PDE6A: variants seen among roughly 807,000 people sequenced by gnomAD.
PDE6A encodes the protein phosphodiesterase 6A, also known as rod cGMP-specific 3',5'-cyclic phosphodiesterase subunit alpha.
A neutral mutation model predicts 106.3 loss-of-function variants in PDE6A; 84 were observed. The observed-to-expected ratio is 0.79, with a 90% CI of 0.66 to 0.95. PDE6A has a LOEUF of 0.95. Ranked by LOEUF, PDE6A falls within the 40% of genes least tolerant of loss-of-function variation. PDE6A has a pLI of 0.00. For synonymous variants in PDE6A, 394 were observed against 386.6 expected, an observed-to-expected ratio of 1.02 and a Z score of -0.23; for missense variants, 1,052 against 1,084.9, an observed-to-expected ratio of 0.97 and a Z score of 0.43.
chr5:149,899,426 G>A lies in PDE6A; in HGVS notation c.1212C>T (p.Tyr404=). ...KEEIVGVATF[Y]NRKDGKPFDE... is the part of the protein sequence containing the mutation. ...CAAAGGGCTTCCCATCTTTACGATT[G>A]TAAAATGTGGCCACTCCAACAATTT... The change falls in exon 9 of 22, where the codon TAC becomes TAT. Residue 404 remains tyrosine (Y), a synonymous_variant. Transcript: ENST00000255266. 6.2e-7 allele frequency: 1 copy of A among 1,614,126 alleles called. No homozygotes were observed.
Position 149,919,084 on chromosome 5 carries a change from G to T in PDE6A, c.933+2551C>A, listed in dbSNP as rs75536991. On this transcript the variant is annotated intron_variant, in intron 5 of 21. Coordinates refer to ENST00000255266, the MANE Select transcript of PDE6A (RefSeq NM_000440.3). ...GTTCCAGGACCTTCTTGACATCTTT[G>T]TCTTGCCTTAGGGCCACCTGTCCTT... Among the ~76,000 whole-genome samples, 529 of 152,266 alleles carry T rather than the reference G, an allele frequency of 3.5e-3. 4 individuals carry two copies. The highest frequency in any genetic ancestry group is 0.012 in the African/African-American group (507 of 41,540).
At chr5:149,913,252 T>G (rs926107740) in intron 6 of PDE6A, among the ~76,000 whole-genome samples, 6 of 151,682 alleles carry the variant, frequency 4.0e-5, no homozygotes, top group African/African-American at 1.5e-4. Flanking sequence ...TGTGGTGGCG[T>G]GTGCCTGTAA....
intron 17 of PDE6A, 33 bp from the exon 18 acceptor site, chr5:149,868,191 G>A (rs915410340): frequency 4.4e-5 from 71 of 1,597,272 alleles, no homozygotes; most frequent in Non-Finnish European, 5.9e-5. Context: ...ATCAGTCCAG[G>A]GCCATTTAAG....
intron 21 of PDE6A, among the ~76,000 whole-genome samples, chr5:149,861,583 G>C (rs1760143651): frequency 6.6e-6 from 1 of 152,170 alleles, no homozygotes; most frequent in Admixed American, 6.5e-5. Flanking sequence ...CCGGGAATTT[G>C]AGGCTGCAGT....
At chr5:149,913,866 C>G (rs1321684218) in intron 6 of PDE6A, among the ~76,000 whole-genome samples, 2 of 152,152 alleles carry the variant, frequency 1.3e-5, no homozygotes, top group Non-Finnish European at 1.5e-5. Flanking sequence ...CAGTTTGCAA[C>G]CGTTCAAATC....
chr5:149,884,247 T>C (rs1761040621), intron 16 of PDE6A, among the ~76,000 whole-genome samples: 2 of 147,478 alleles, frequency 1.4e-5, no homozygotes, highest in Admixed American at 1.4e-4. Context: ...TAGATATATG[T>C]GTATATATAT....
chr5:149,867,590 T>C, intron 19 of PDE6A, 135 bp downstream of exon 19: 1 of 814,496 alleles, frequency 1.2e-6, no homozygotes, highest in South Asian at 1.4e-5. Flanking sequence ...GGAGACCACA[T>C]TTTTAGAACC....
chr5:149,883,480 T>G lies in PDE6A; in HGVS notation c.2084A>C (p.Gln695Pro). 6.2e-7 allele frequency: 1 copy of G among 1,613,974 alleles called. No individual in the cohort carries two copies. The highest frequency in any genetic ancestry group is 8.5e-7 in the Non-Finnish European group (1 of 1,179,846). ...CAGCATCATGTACTGTGTCCACTCC[T>G]GTTCACTCTCATATGTCTTAGACTG... The part of the protein sequence containing the change: ...VDQSKTYESE[Q>P]EWTQYMMLEQ... The change falls in exon 17 of 22, where the codon CAG (glutamine) becomes CCG (proline). Residue 695 changes from glutamine to proline, a missense_variant. This residue lies in a region of PDE6A where 913 missense variants were observed against 915.2 expected (regional missense o/e 1.00). Coordinates refer to ENST00000255266, the MANE Select transcript of PDE6A (RefSeq NM_000440.3).
rs1372422072 is a variant in PDE6A, at chr5:149,931,101, G to T, written c.785C>A (p.Ala262Asp). Residue 262 changes from alanine to aspartate, a missense_variant, in exon 4 of 22, where the codon GCC (alanine) becomes GAC (aspartate). Transcript: ENST00000255266. ...LTDIERQFHK[A>D]LYTVRAFLNC... The stretch of plus-strand genomic sequence containing the variant: ...GAGGAAAGCACGGACTGTGTACAGG[G>T]CTTTGTGGAACTGTCGTTCGATGTC... 2.5e-6 allele frequency: 4 copies of T among 1,613,834 alleles called. No homozygotes were observed. In the African/African-American group the frequency reaches 5.3e-5, roughly 22 times the overall value.
rs1561709313 is a variant in PDE6A at position 149,884,874 on chromosome 5, G to A, written c.1839-7C>T. 6 of 1,600,270 alleles carry A rather than the reference G, an allele frequency of 3.7e-6. No individual in the cohort carries two copies. Among genetic ancestry groups the A allele is most frequent in the Non-Finnish European group, 5.1e-6 (6 of 1,167,412 alleles). ...GGCCAGTGGGTTCTGGGATCTGAAT[G>A]AGAAAGAGAGAGAATCAATATGGAG... On this transcript the variant is annotated splice_polypyrimidine_tract_variant and splice_region_variant and intron_variant, in intron 14 of 21. Transcript: ENST00000255266.
intron 6 of PDE6A, among the ~76,000 whole-genome samples, chr5:149,911,507 T>C (rs1163189448): frequency 6.6e-6 from 1 of 152,200 alleles, no homozygotes; most frequent in Non-Finnish European, 1.5e-5. Context: ...CTTTTGACTA[T>C]GGTTATGACC....
At chr5:149,871,872 A>T (rs1213318193) in intron 17 of PDE6A, among the ~76,000 whole-genome samples, 1 of 152,216 alleles carries the variant, frequency 6.6e-6, no homozygotes, top group Admixed American at 6.5e-5. Context: ...GCTGGCAATA[A>T]AGAGAAATGT....
At chr5:149,903,589 T>C (rs1312719689) in intron 8 of PDE6A, 59 bp downstream of exon 8, 12 of 1,300,286 alleles carry the variant, frequency 9.2e-6, no homozygotes, top group Middle Eastern at 1.8e-4. Flanking sequence ...TGTATTCTAA[T>C]GCTCTTTGGG....
chr5:149,897,620 C>A (rs182301226), intron 10 of PDE6A, among the ~76,000 whole-genome samples: 6 of 152,300 alleles, frequency 3.9e-5, no homozygotes, highest in Admixed American at 3.9e-4. Flanking sequence ...ACTCTGTCAG[C>A]CAGGCTGAAG....
At chr5:149,869,817 G>T (rs1760470267) in intron 17 of PDE6A, among the ~76,000 whole-genome samples, 1 of 152,164 alleles carries the variant, frequency 6.6e-6, no homozygotes, top group Non-Finnish European at 1.5e-5. Context: ...GCTGCGGCGG[G>T]GTGAGACCAA....
At chr5:149,932,707 C>T in intron 3 of PDE6A, 5 of 1,559,408 alleles carry the variant, frequency 3.2e-6, no homozygotes, top group Non-Finnish European at 4.4e-6. Flanking sequence ...CCCCACTCAC[C>T]AAATGTGTAC....
chr5:149,878,430 T>C (rs1283992966), intron 17 of PDE6A, among the ~76,000 whole-genome samples: 1 of 152,242 alleles, frequency 6.6e-6, no homozygotes, highest in Non-Finnish European at 1.5e-5. Context: ...TGCTAGGTAT[T>C]TCGATTGTTT....
At chr5:149,869,105 G>A (rs995016703) in intron 17 of PDE6A, among the ~76,000 whole-genome samples, 5 of 152,200 alleles carry the variant, frequency 3.3e-5, no homozygotes, top group African/African-American at 9.7e-5. Context: ...TGAGGTGGGC[G>A]GATCACTTGC....
chr5:149,897,954 G>A (rs556913123), intron 10 of PDE6A, among the ~76,000 whole-genome samples: 2 of 152,240 alleles, frequency 1.3e-5, no homozygotes, highest in South Asian at 4.2e-4. Context: ...ATTGTCTACT[G>A]GTCTTCCAGA....
Sources: allele counts gnomAD v4.1 joint callset (sites outside exome capture counted in the v4.1 genomes callset), GRCh38; gene constraint gnomAD v4.1.1; regional missense constraint gnomAD v4.1.1; transcripts MANE v1.5; gene names NCBI Gene and HGNC (gene_info 2026-07-23, HGNC 2026-07-21).